The following ADRA1A variants were observed in gnomAD, a reference collection of about 807,000 sequenced individuals.
ADRA1A encodes alpha-1A adrenergic receptor.
Under a neutral mutation model 29.6 loss-of-function variants are expected in ADRA1A, and 31 were observed. That is an observed-to-expected ratio of 1.05 (90% CI 0.79 to 1.41). The LOEUF is 1.41. Ranked by LOEUF, ADRA1A falls within the 40% of genes most tolerant of loss-of-function variation. The pLI is 0.00. For missense variants in ADRA1A, 619 were observed against 601.1 expected, an observed-to-expected ratio of 1.03 and a Z score of -0.31; for synonymous variants, 311 against 254.3, an observed-to-expected ratio of 1.22 and a Z score of -2.12.
chr8:26,835,128 C>G (rs1811251616), intron 2 of ADRA1A, among the ~76,000 whole-genome samples: 6 of 152,146 alleles, frequency 3.9e-5, no homozygotes, highest in Admixed American at 3.9e-4. Flanking sequence ...TCTTTGGTGG[C>G]CTGACCCTTA....
intron 2 of ADRA1A, among the ~76,000 whole-genome samples, chr8:26,797,544 C>T (rs899747410): frequency 4.6e-5 from 7 of 152,070 alleles, no homozygotes; most frequent in African/African-American, 1.4e-4. Flanking sequence ...AGTGATCCTC[C>T]AGCGTTGGCG....
At chr8:26,798,521 G>T (rs1808343444) in intron 2 of ADRA1A, among the ~76,000 whole-genome samples, 2 of 152,062 alleles carry the variant, frequency 1.3e-5, no homozygotes, top group African/African-American at 4.8e-5. Flanking sequence ...TTGTTCAAAG[G>T]ACATTTTTTT....
chr8:26,758,357 A>G (rs560904054), intron 2 of ADRA1A, among the ~76,000 whole-genome samples: 4 of 152,350 alleles, frequency 2.6e-5, no homozygotes, highest in African/African-American at 9.6e-5. Context: ...CTTCCTGCAC[A>G]TGGCACTTTC....
rs1215380586 is a variant in ADRA1A at position 26,823,412 on chromosome 8, T to C, written c.883+40675A>G. ...CACACCAGTGTAATATCTTTGTCCC[T>C]GGTGAGCCGTATCTCTGATACCTTC... is the stretch of plus-strand genomic sequence containing the variant. On this transcript the variant is annotated intron_variant, in intron 2 of 2. Coordinates refer to ENST00000380573, the MANE Select transcript of ADRA1A (RefSeq NM_000680.4). This position sits in a 1 kb window ranked among gnomAD's most constrained non-coding sequence, Gnocchi z 4.2. Among the ~76,000 whole-genome samples, 1 of 152,210 alleles carries C rather than the reference T, an allele frequency of 6.6e-6. No individual in the cohort carries two copies. The highest frequency in any genetic ancestry group is 2.1e-4 in the South Asian group (1 of 4,826).
In ADRA1A at chr8:26,823,091, C is replaced by G. The variant is rs958154680; in HGVS notation, c.883+40996G>C. On this transcript the variant is annotated intron_variant, in intron 2 of 2. Transcript: ENST00000380573. The surrounding 1 kb of genome is among the most constrained non-coding windows in gnomAD (Gnocchi z 4.2). ...TATCACAGGCCAAGAAAGTTTTTCT[C>G]TCCTTTCCAACTGTGAACTGTAATT... 1.3e-5 allele frequency among the ~76,000 whole-genome samples: 2 copies of G among 152,162 alleles called. No homozygotes were observed. Among genetic ancestry groups the G allele is most frequent in the African/African-American group, 2.4e-5 (1 of 41,426 alleles).
chr8:26,788,738 C>A (rs1807589949), intron 2 of ADRA1A, among the ~76,000 whole-genome samples: 1 of 151,998 alleles, frequency 6.6e-6, no homozygotes, highest in Admixed American at 6.6e-5. Flanking sequence ...TGGGTTCAAA[C>A]CCATGCTTGC....
chr8:26,861,137 C>T (rs1779569570), intron 2 of ADRA1A, among the ~76,000 whole-genome samples: 1 of 152,160 alleles, frequency 6.6e-6, no homozygotes, highest in South Asian at 2.1e-4. Context: ...AACCTGACCT[C>T]TCAGCTGCAT....
rs919076954 is a variant in ADRA1A, at chr8:26,804,762, C to T, written c.884-34096G>A. ...ACCTCTGTGTGTCTCATTGGAAGAA[C>T]ATATGATGCTTCGAGGATGGTTATG... On this transcript the variant is annotated intron_variant, in intron 2 of 2. Coordinates refer to ENST00000380573, the MANE Select transcript of ADRA1A (RefSeq NM_000680.4). Among the ~76,000 whole-genome samples, 4 of 152,286 alleles carry T rather than the reference C, an allele frequency of 2.6e-5. 1 individual carries two copies. In the South Asian group the frequency reaches 8.3e-4, roughly 32 times the overall value.
In ADRA1A at chr8:26,865,856, A is replaced by G. The variant is rs549134702; in HGVS notation, c.-686-201T>C. 2.8e-4 allele frequency: 69 copies of G among 249,338 alleles called. No individual in the cohort carries two copies. The highest frequency in any genetic ancestry group is 1.4e-3 in the African/African-American group (61 of 43,286). 15.4% of individuals were successfully genotyped at this position (249,338 alleles called of 1,614,324 possible). A position where few individuals can be genotyped will look rare whatever the true frequency, so the allele number is the denominator to read the frequency against. Reference sequence around the variant, plus strand: ...ACTGGGAACCTGCCTAGCGCACTCTACTGAGTCACCTCTGCCCGAGTTCAG... The same window carrying G: ...ACTGGGAACCTGCCTAGCGCACTCTGCTGAGTCACCTCTGCCCGAGTTCAG... On this transcript the variant is annotated intron_variant, in intron 1 of 2. Transcript: ENST00000380573. The surrounding 1 kb of genome is among the most constrained non-coding windows in gnomAD (Gnocchi z 7.6).
chr8:26,807,147 A>G (rs1383100040), intron 2 of ADRA1A, among the ~76,000 whole-genome samples: 1 of 152,132 alleles, frequency 6.6e-6, no homozygotes, highest in East Asian at 1.9e-4. Context: ...AGAATCACAA[A>G]TCTAACCCCT....
chr8:26,763,914 C>G (rs937403286), downstream of ADRA1A, among the ~76,000 whole-genome samples: 20 of 152,258 alleles, frequency 1.3e-4, no homozygotes, highest in African/African-American at 4.8e-4. This position sits in a 1 kb window ranked among gnomAD's most constrained non-coding sequence, Gnocchi z 4.5. Flanking sequence ...TAGTCACATA[C>G]AGAAAAGGTT....
intron 2 of ADRA1A, among the ~76,000 whole-genome samples, chr8:26,785,065 A>G (rs1807274137): frequency 6.6e-6 from 1 of 152,180 alleles, no homozygotes; most frequent in Non-Finnish European, 1.5e-5. Flanking sequence ...ATTGGTGGAG[A>G]GAAAGTTGAT....
At chr8:26,812,208 C>T (rs561056392) in intron 2 of ADRA1A, among the ~76,000 whole-genome samples, 1 of 152,330 alleles carries the variant, frequency 6.6e-6, no homozygotes, top group East Asian at 1.9e-4. Context: ...CCTTCTTCGA[C>T]ATTCTCATGC....
chr8:26,779,366 A>G (rs1806784930), intron 2 of ADRA1A: 1 of 702,728 alleles, frequency 1.4e-6, no homozygotes, highest in Admixed American at 2.0e-5. Context: ...GCACTGCTGC[A>G]TGGTGAACTG....
intron 2 of ADRA1A, among the ~76,000 whole-genome samples, chr8:26,814,828 A>G (rs1413369662): frequency 1.3e-5 from 2 of 152,180 alleles, no homozygotes; most frequent in African/African-American, 2.4e-5. Flanking sequence ...AGTACTCAAC[A>G]TATTTCATTT....
Position 26,866,158 on chromosome 8 carries a change from G to A in ADRA1A, c.-686-503C>T, listed in dbSNP as rs1242566456. 6.6e-6 allele frequency among the ~76,000 whole-genome samples: 1 copy of A among 152,152 alleles called. No individual in the cohort carries two copies. Among genetic ancestry groups the A allele is most frequent in the East Asian group, 1.9e-4 (1 of 5,176 alleles). ...AGGGACCTCAGGGCCAGGACCACGA[G>A]CACGCTCACTCTCACGCCGGTGGAA... On this transcript the variant is annotated intron_variant, in intron 1 of 2. Coordinates refer to ENST00000380573, the MANE Select transcript of ADRA1A (RefSeq NM_000680.4). This position sits in a 1 kb window ranked among gnomAD's most constrained non-coding sequence, Gnocchi z 5.7.
chr8:26,756,439 G>T, exon 3 of ADRA1A: 1 of 1,404,486 alleles, frequency 7.1e-7, no homozygotes. Flanking sequence ...TAACTTTTAA[G>T]AATGAAATGG....
chr8:26,791,972 T>C (rs914194239), intron 2 of ADRA1A, among the ~76,000 whole-genome samples: 3 of 152,222 alleles, frequency 2.0e-5, no homozygotes, highest in Admixed American at 6.5e-5. Context: ...CTTGTCCTTT[T>C]CTGAAACATT....
In ADRA1A at chr8:26,865,584, G is replaced by T. The variant is rs1813850031; in HGVS notation, c.-615C>A. On this transcript the variant is annotated 5_prime_UTR_variant, in exon 2 of 3. The change creates a new upstream start codon in the 5' untranslated region. Transcript: ENST00000380573. The surrounding 1 kb of genome is among the most constrained non-coding windows in gnomAD (Gnocchi z 7.6). ...GCTCTCTCCAGCTTCTAGGAGCACA[G>T]GTCAGGGGACGTAGGTGTGGAATAT... 1 of 988,652 alleles carries T rather than the reference G, an allele frequency of 1.0e-6. No homozygotes were observed. The highest frequency in any genetic ancestry group is 1.2e-6 in the Non-Finnish European group (1 of 832,332). The allele number at this position is 988,652 out of a possible 1,614,324, so 61.2% of individuals were successfully genotyped here. A position where few individuals can be genotyped will look rare whatever the true frequency, so the allele number is the denominator to read the frequency against.
Sources: gnomAD v4.1 joint callset for allele counts (sites outside exome capture counted in the v4.1 genomes callset) on GRCh38, gnomAD v4.1.1 for gene constraint, Gnocchi (gnomAD v3.1) non-coding constraint, MANE v1.5 for transcripts, NCBI Gene and HGNC (gene_info 2026-07-23, HGNC 2026-07-21) for gene names.